The following EPC2 variants were observed in gnomAD, a reference collection of about 807,000 sequenced individuals.
The protein encoded by EPC2 is enhancer of polycomb homolog 2.
A neutral mutation model predicts 92.1 loss-of-function variants in EPC2; 14 were observed. That is an observed-to-expected ratio of 0.15 (90% CI 0.10 to 0.24). EPC2 has a LOEUF of 0.24. EPC2 is among the 10% of genes least tolerant of loss of function. EPC2 has a pLI of 1.00. For synonymous variants in EPC2, 340 were observed against 334.7 expected (o/e 1.02, Z -0.17); for missense variants, 755 against 971.5 (o/e 0.78, Z 2.96).
intron 2 of EPC2, chr2:148,692,449 C>T (rs918610897): frequency 1.3e-5 from 2 of 152,084 alleles, no homozygotes; most frequent in African/African-American, 2.4e-5. Context: ...ATGTGTTTGT[C>T]GACTGAATTG....
intron 1 of EPC2, among the ~76,000 whole-genome samples, chr2:148,667,206 A>G (rs1386702146): frequency 6.6e-6 from 1 of 152,248 alleles, no homozygotes; most frequent in Non-Finnish European, 1.5e-5. Context: ...TGTTCCGTAG[A>G]TGAATGAAGA....
intron 2 of EPC2, among the ~76,000 whole-genome samples, chr2:148,720,470 A>G (rs1682348391): frequency 6.6e-6 from 1 of 152,092 alleles, no homozygotes; most frequent in African/African-American, 2.4e-5. Context: ...CTCGGGGGGT[A>G]TATGTGGACC....
intron 2 of EPC2, among the ~76,000 whole-genome samples, chr2:148,734,547 G>C (rs766587241): frequency 6.6e-6 from 1 of 152,198 alleles, no homozygotes; most frequent in African/African-American, 2.4e-5. Context: ...GGATAGTCTT[G>C]ATCTACTAAT....
At chr2:148,691,146 G>T (rs16829170) in intron 2 of EPC2, among the ~76,000 whole-genome samples, 69 of 152,146 alleles carry the variant, frequency 4.5e-4, no homozygotes, top group African/African-American at 1.6e-3. Context: ...CACCTCTAGC[G>T]TGAAGACTTT....
At chr2:148,704,105 T>C (rs1279544075) in intron 2 of EPC2, among the ~76,000 whole-genome samples, 1 of 152,216 alleles carries the variant, frequency 6.6e-6, no homozygotes, top group East Asian at 1.9e-4. Flanking sequence ...CCCATGTTCA[T>C]AGCAGCATTA....
chr2:148,750,022 A>T (rs1009998538), intron 3 of EPC2, among the ~76,000 whole-genome samples: 6 of 152,136 alleles, frequency 3.9e-5, no homozygotes, highest in Non-Finnish European at 7.4e-5. Flanking sequence ...TGTAGACAGA[A>T]TTGTCTCCTA....
intron 1 of EPC2, among the ~76,000 whole-genome samples, chr2:148,675,675 T>C (rs947314301): frequency 1.3e-5 from 2 of 152,240 alleles, no homozygotes; most frequent in African/African-American, 2.4e-5. Flanking sequence ...CCAGTATCTA[T>C]CCTCTCTCCT....
chr2:148,648,218 C>A (rs1481179901), intron 1 of EPC2, among the ~76,000 whole-genome samples: 1 of 152,102 alleles, frequency 6.6e-6, no homozygotes, highest in Non-Finnish European at 1.5e-5. Context: ...CCAGAGTGTC[C>A]AATTGGAGTA....
chr2:148,738,393 A>G (rs972865421), intron 2 of EPC2, among the ~76,000 whole-genome samples: 1 of 152,238 alleles, frequency 6.6e-6, no homozygotes, highest in African/African-American at 2.4e-5. Flanking sequence ...AGTGATTAAC[A>G]TCTATAAATA....
At chr2:148,782,379 A>AGTTTTTGTATTTT (rs1329292525) in intron 11 of EPC2, among the ~76,000 whole-genome samples, 1 of 152,070 alleles carries the variant, frequency 6.6e-6, no homozygotes, top group Non-Finnish European at 1.5e-5. Context: ...TCTACTAAAA[A>AGTTTTTGTATTTT]TACAAAAACT....
At chr2:148,732,710 G>T (rs1053651633) in intron 2 of EPC2, among the ~76,000 whole-genome samples, 1 of 151,940 alleles carries the variant, frequency 6.6e-6, no homozygotes, top group Admixed American at 6.6e-5. Flanking sequence ...ATCCCTTGAG[G>T]TAGTAGCCAA....
At chr2:148,707,494 A>G (rs548661645) in intron 2 of EPC2, among the ~76,000 whole-genome samples, 8 of 152,200 alleles carry the variant, frequency 5.3e-5, no homozygotes, top group Non-Finnish European at 8.8e-5. Context: ...TGCAACAAGC[A>G]GACCTAATAG....
chr2:148,760,479 T>G (rs536103123), intron 4 of EPC2, among the ~76,000 whole-genome samples: 7 of 152,308 alleles, frequency 4.6e-5, no homozygotes, highest in Admixed American at 2.0e-4. Flanking sequence ...ATTCTAAGCC[T>G]TTTGAGGGTA....
chr2:148,749,754 G>A (rs1039688263), intron 3 of EPC2, among the ~76,000 whole-genome samples: 2 of 152,014 alleles, frequency 1.3e-5, no homozygotes, highest in Admixed American at 6.6e-5. Context: ...AGCAGTCCCA[G>A]TGAACCCCAT....
At chr2:148,689,334 G>A (rs1024923706) in intron 1 of EPC2, among the ~76,000 whole-genome samples, 1 of 152,000 alleles carries the variant, frequency 6.6e-6, no homozygotes, top group African/African-American at 2.4e-5. Flanking sequence ...CCGCCACTAC[G>A]CCCGGCTAAT....
intron 4 of EPC2, among the ~76,000 whole-genome samples, chr2:148,755,200 C>A (rs1045155188): frequency 6.6e-6 from 1 of 151,306 alleles, no homozygotes; most frequent in Non-Finnish European, 1.5e-5. Flanking sequence ...AGATGACATT[C>A]CCTAACCCAG....
intron 1 of EPC2, among the ~76,000 whole-genome samples, chr2:148,668,001 C>T (rs564296333): frequency 2.0e-5 from 3 of 152,146 alleles, no homozygotes; most frequent in South Asian, 2.1e-4. Flanking sequence ...CAGGTTCAAG[C>T]GATTCTCCTG....
At chr2:148,678,559 TA>T (rs1463821401) in intron 1 of EPC2, among the ~76,000 whole-genome samples, 1 of 152,244 alleles carries the variant, frequency 6.6e-6, no homozygotes, top group Non-Finnish European at 1.5e-5. Context: ...GGAAGGCAGC[TA>T]AGGCCCTGCG....
At chr2:148,782,684 A>G (rs1266722468) in intron 11 of EPC2, among the ~76,000 whole-genome samples, 2 of 152,250 alleles carry the variant, frequency 1.3e-5, no homozygotes, top group African/African-American at 4.8e-5. Context: ...AGAAGGAACC[A>G]GCCCTGCCAA....
Sources: allele counts gnomAD v4.1 joint callset (sites outside exome capture counted in the v4.1 genomes callset), GRCh38; gene constraint gnomAD v4.1.1; transcripts MANE v1.5; gene names NCBI Gene and HGNC (gene_info 2026-07-23, HGNC 2026-07-21).